Variants in SAMSN1 observed in about 807,000 individuals in gnomAD.
SAMSN1 encodes SAM domain, SH3 domain and nuclear localization signals 1, also known as SAM domain-containing protein SAMSN-1.
A neutral mutation model predicts 42.0 loss-of-function variants in SAMSN1; 31 were observed. The ratio of observed to expected loss-of-function variants is 0.74; its 90% CI spans 0.55 to 1.00. SAMSN1 has a LOEUF of 1.00. SAMSN1 is among the 50% of genes least tolerant of loss of function. The pLI is 0.00. For missense variants in SAMSN1, 464 were observed against 439.4 expected, an observed-to-expected ratio of 1.06 and a Z score of -0.50; for synonymous variants, 178 against 151.9, an observed-to-expected ratio of 1.17 and a Z score of -1.26.
chr21:14,649,073 T>C (rs2123392275), intron 1 of SAMSN1, among the ~76,000 whole-genome samples: 1 of 152,050 alleles, frequency 6.6e-6, no homozygotes, highest in Admixed American at 6.5e-5. Context: ...ATATACACCA[T>C]GGAATACTAT....
intron 2 of SAMSN1, among the ~76,000 whole-genome samples, chr21:14,561,613 G>T (rs1980949009): frequency 6.6e-6 from 1 of 152,078 alleles, no homozygotes; most frequent in Non-Finnish European, 1.5e-5. Flanking sequence ...GAACTATATG[G>T]CCAAAAAAGA....
intron 2 of SAMSN1, among the ~76,000 whole-genome samples, chr21:14,556,473 G>T (rs896048387): frequency 2.0e-5 from 3 of 152,062 alleles, no homozygotes; most frequent in African/African-American, 7.2e-5. Context: ...ATATACTTAG[G>T]TATATATGTA....
chr21:14,648,837 T>C lies in SAMSN1; in HGVS notation c.25-5704A>G, dbSNP rs1219266398. ...ACTGTGGGTGGGACTGTAAACTAGT[T>C]CAACCATTGTGGAAGTCAGTGTGGT... On this transcript the variant is annotated intron_variant, in intron 1 of 15. Transcript: ENST00000647101. 2.0e-5 allele frequency among the ~76,000 whole-genome samples: 3 copies of C among 151,990 alleles called. No individual in the cohort carries two copies. The South Asian group carries it at 6.2e-4, about 32-fold the overall frequency.
chr21:14,544,487 A>G (rs960432117), intron 1 of SAMSN1, among the ~76,000 whole-genome samples: 2 of 152,226 alleles, frequency 1.3e-5, no homozygotes, highest in African/African-American at 2.4e-5. Flanking sequence ...GAAACAATCC[A>G]ACTGAATGTA....
At chr21:14,531,528 T>G (rs371703271) in intron 1 of SAMSN1, among the ~76,000 whole-genome samples, 4 of 152,010 alleles carry the variant, frequency 2.6e-5, no homozygotes, top group Admixed American at 2.0e-4. Context: ...TTTTTTATTA[T>G]CTAACATGAT....
intron 2 of SAMSN1, among the ~76,000 whole-genome samples, chr21:14,619,031 A>AG (rs1477459986): frequency 7.2e-5 from 11 of 152,218 alleles, no homozygotes; most frequent in African/African-American, 2.4e-4. Flanking sequence ...GTTATTTTTA[A>AG]GGTAAATGAG....
chr21:14,636,876 A>C (rs1983482082), intron 2 of SAMSN1, among the ~76,000 whole-genome samples: 1 of 152,002 alleles, frequency 6.6e-6, no homozygotes, highest in South Asian at 2.1e-4. Context: ...AAAAACAAAC[A>C]AAAAAAAGTG....
chr21:14,555,586 C>G (rs751495754), intron 2 of SAMSN1, among the ~76,000 whole-genome samples: 3 of 152,142 alleles, frequency 2.0e-5, no homozygotes, highest in Non-Finnish European at 2.9e-5. Flanking sequence ...ACAGATGAAG[C>G]CTTTCCATTG....
chr21:14,514,900 T>G (rs1302241266), intron 3 of SAMSN1, among the ~76,000 whole-genome samples: 1 of 152,086 alleles, frequency 6.6e-6, no homozygotes, highest in Non-Finnish European at 1.5e-5. Context: ...GAGATATAGT[T>G]GTGAAAAACA....
At chr21:14,610,306 C>T (rs1159731431) in intron 4 of SAMSN1, among the ~76,000 whole-genome samples, 1 of 152,114 alleles carries the variant, frequency 6.6e-6, no homozygotes, top group East Asian at 1.9e-4. Context: ...CCTTATGTAG[C>T]TATGGATAGG....
intron 5 of SAMSN1, 140 bp from the exon 6 acceptor site, chr21:14,500,875 T>A: frequency 1.4e-6 from 1 of 725,540 alleles, no homozygotes; most frequent in Non-Finnish European, 2.3e-6. Flanking sequence ...AACATTCACT[T>A]GCTTCAAAAG....
intron 7 of SAMSN1, chr21:14,593,924 T>C: frequency 1.5e-6 from 1 of 678,102 alleles, no homozygotes; most frequent in Non-Finnish European, 2.7e-6. Context: ...AATAAAGAAC[T>C]ATAGAAAACA....
chr21:14,624,692 A>G (rs1350495838), intron 2 of SAMSN1, among the ~76,000 whole-genome samples: 1 of 152,234 alleles, frequency 6.6e-6, no homozygotes, highest in Non-Finnish European at 1.5e-5. Context: ...AAATACTAAC[A>G]GAGGTAAAAG....
chr21:14,529,552 G>T (rs1979103735), intron 1 of SAMSN1, among the ~76,000 whole-genome samples: 1 of 152,156 alleles, frequency 6.6e-6, no homozygotes, highest in Admixed American at 6.5e-5. Context: ...TGGCTTCTAT[G>T]GCTCAACTTA....
At chr21:14,607,531 T>C (rs1478192485) in intron 5 of SAMSN1, among the ~76,000 whole-genome samples, 1 of 152,232 alleles carries the variant, frequency 6.6e-6, no homozygotes, top group Non-Finnish European at 1.5e-5. Flanking sequence ...GCTGAGGTTC[T>C]TGGACACACA....
chr21:14,629,907 C>G (rs2123359746), intron 2 of SAMSN1, among the ~76,000 whole-genome samples: 2 of 152,244 alleles, frequency 1.3e-5, no homozygotes, highest in South Asian at 4.1e-4. Context: ...ACAGAGGTCT[C>G]TTAAGTGTCC....
At chr21:14,503,609 G>T (rs1249633227) in intron 5 of SAMSN1, among the ~76,000 whole-genome samples, 1 of 152,032 alleles carries the variant, frequency 6.6e-6, no homozygotes, top group East Asian at 1.9e-4. Flanking sequence ...GTAAGAAGGG[G>T]GAATTCAGGA....
At chr21:14,620,133 T>G (rs1982962060) in intron 2 of SAMSN1, among the ~76,000 whole-genome samples, 1 of 152,170 alleles carries the variant, frequency 6.6e-6, no homozygotes, top group African/African-American at 2.4e-5. Context: ...CAAGAGAAAG[T>G]CAGAGATATC....
At chr21:14,586,115 C>A (rs1488915427), upstream of SAMSN1, among the ~76,000 whole-genome samples, 1 of 151,084 alleles carries the variant, frequency 6.6e-6, no homozygotes, top group Non-Finnish European at 1.5e-5. Flanking sequence ...ATACAAAAAT[C>A]AGCTGGGTGT....
Sources: allele counts gnomAD v4.1 joint callset (sites outside exome capture counted in the v4.1 genomes callset), GRCh38; gene constraint gnomAD v4.1.1; transcripts MANE v1.5; gene names NCBI Gene and HGNC (gene_info 2026-07-23, HGNC 2026-07-21).